FMN1: variants seen among roughly 807,000 people sequenced by gnomAD.
FMN1 encodes the protein formin 1.
A neutral mutation model predicts 132.4 loss-of-function variants in FMN1; 110 were observed. The ratio of observed to expected loss-of-function variants is 0.83; its 90% CI spans 0.71 to 0.97. FMN1 has a LOEUF of 0.97. Ranked by LOEUF, FMN1 falls within the 50% of genes least tolerant of loss-of-function variation. FMN1 has a pLI of 0.00. For missense variants in FMN1, 1,792 were observed against 1,705.3 expected (o/e 1.05, Z -0.90); for synonymous variants, 722 against 651.7 (o/e 1.11, Z -1.64).
chr15:32,970,121 T>A (rs917500182), intron 7 of FMN1, among the ~76,000 whole-genome samples: 1 of 152,214 alleles, frequency 6.6e-6, no homozygotes, highest in African/African-American at 2.4e-5. Flanking sequence ...GCCATTTTCT[T>A]CTATTTACAC....
chr15:33,126,138 CTAAA>C (rs369620820), intron 4 of FMN1, among the ~76,000 whole-genome samples: 111 of 152,012 alleles, frequency 7.3e-4, no homozygotes, highest in East Asian at 1.7e-3. Flanking sequence ...CAGCTGCTGA[CTAAA>C]TGAGTTTATC....
chr15:32,908,625 G>T (rs1355863543), intron 11 of FMN1, 47 bp from the exon 12 acceptor site: 1 of 982,522 alleles, frequency 1.0e-6, no homozygotes. Context: ...AAAAAAAAAG[G>T]GAAGTGAGAC....
At chr15:33,012,967 A>C in intron 6 of FMN1, 1 of 463,794 alleles carries the variant, frequency 2.2e-6, no homozygotes, top group South Asian at 1.7e-5. Context: ...TGGAGGCAAA[A>C]GCTCTGGTTC....
At chr15:32,994,169 TC>T (rs2033619876) in intron 7 of FMN1, among the ~76,000 whole-genome samples, 1 of 151,936 alleles carries the variant, frequency 6.6e-6, no homozygotes, top group Non-Finnish European at 1.5e-5. Context: ...GTTGAATATA[TC>T]CGAGTATGTT....
chr15:32,950,618 T>G (rs753906648), intron 9 of FMN1, among the ~76,000 whole-genome samples: 1 of 152,092 alleles, frequency 6.6e-6, no homozygotes, highest in African/African-American at 2.4e-5. Context: ...TTTTTTCACT[T>G]GTAAGTGGGA....
At chr15:32,913,820 A>G (rs28591666) in intron 10 of FMN1, among the ~76,000 whole-genome samples, 3,797 of 152,272 alleles carry the variant, frequency 0.025, 68 homozygotes, top group Non-Finnish European at 0.034. Context: ...TGTAGCATGT[A>G]TAACATAGAT....
intron 9 of FMN1, among the ~76,000 whole-genome samples, chr15:32,963,450 C>T (rs2030828712): frequency 6.6e-6 from 1 of 151,490 alleles, no homozygotes; most frequent in African/African-American, 2.4e-5. Context: ...ACATATGTAA[C>T]TAACCTGCAC....
At chr15:33,061,514 A>T (rs1476540077) in intron 6 of FMN1, among the ~76,000 whole-genome samples, 2 of 152,024 alleles carry the variant, frequency 1.3e-5, no homozygotes, top group African/African-American at 2.4e-5. Flanking sequence ...TTTATAAGAC[A>T]CGCTCCTCGT....
chr15:32,844,677 G>A (rs2058818514), intron 17 of FMN1, among the ~76,000 whole-genome samples: 1 of 152,180 alleles, frequency 6.6e-6, no homozygotes, highest in Non-Finnish European at 1.5e-5. Flanking sequence ...TGAAAAAGAT[G>A]CACATAACTT....
chr15:33,119,338 C>T (rs1595513917), intron 4 of FMN1, among the ~76,000 whole-genome samples: 1 of 152,296 alleles, frequency 6.6e-6, no homozygotes, highest in South Asian at 2.1e-4. Context: ...ACAGTGGTAG[C>T]AGGCACCCAT....
chr15:32,846,313 A>T (rs1053719120), intron 17 of FMN1, among the ~76,000 whole-genome samples: 5 of 152,194 alleles, frequency 3.3e-5, no homozygotes, highest in Non-Finnish European at 7.3e-5. Context: ...AATGGGAGAA[A>T]ATTTTTGCAA....
At chr15:33,034,888 T>A (rs1215477035) in intron 6 of FMN1, among the ~76,000 whole-genome samples, 1 of 152,180 alleles carries the variant, frequency 6.6e-6, no homozygotes, top group Non-Finnish European at 1.5e-5. Flanking sequence ...ATCATGCCTC[T>A]GCTCAACATT....
chr15:32,918,282 C>A (rs2140309293), intron 10 of FMN1, among the ~76,000 whole-genome samples: 1 of 151,946 alleles, frequency 6.6e-6, no homozygotes, highest in South Asian at 2.1e-4. Context: ...CGAAGAAACA[C>A]AAACAAAAGT....
intron 6 of FMN1, among the ~76,000 whole-genome samples, chr15:33,044,461 T>G (rs1450483280): frequency 2.7e-5 from 4 of 150,862 alleles, no homozygotes; most frequent in African/African-American, 9.9e-5. Context: ...GCCCATAAAA[T>G]CCCAGACTCA....
intron 6 of FMN1, among the ~76,000 whole-genome samples, chr15:33,026,712 A>G (rs533510124): frequency 6.6e-6 from 1 of 152,276 alleles, no homozygotes; most frequent in East Asian, 1.9e-4. Context: ...AATGAACCTC[A>G]GGAGAGAGAG....
In FMN1 at chr15:33,066,697, C is replaced by A. The variant is rs766244531; in HGVS notation, c.2044-1623G>T. On this transcript the variant is annotated intron_variant, in intron 5 of 20. Coordinates refer to ENST00000616417, the MANE Select transcript of FMN1 (RefSeq NM_001277313.2). ...AAGCCTCCAGGGCTGTCTCTGGCGACTTTGGCTTGACCTCACCACCCTGGG... is the reference window on the plus strand; with the variant it reads ...AAGCCTCCAGGGCTGTCTCTGGCGAATTTGGCTTGACCTCACCACCCTGGG... The A allele has an allele frequency of 1.6e-4, 266 of 1,613,730 alleles. 1 individual carries two copies. The highest frequency in any genetic ancestry group is 1.4e-3 in the South Asian group (126 of 91,054).
At chr15:32,939,195 G>A (rs905147032) in intron 9 of FMN1, among the ~76,000 whole-genome samples, 5 of 152,188 alleles carry the variant, frequency 3.3e-5, no homozygotes, top group African/African-American at 1.2e-4. Flanking sequence ...CAAGAGTCCT[G>A]TAAAGTATGT....
intron 7 of FMN1, among the ~76,000 whole-genome samples, chr15:32,989,367 T>TA (rs1232544865): frequency 6.6e-6 from 1 of 152,066 alleles, no homozygotes; most frequent in African/African-American, 2.4e-5. Flanking sequence ...CTTAGGGAAT[T>TA]AGAGATGGTT....
chr15:32,852,421 T>C (rs1199747616), intron 17 of FMN1, among the ~76,000 whole-genome samples: 2 of 152,210 alleles, frequency 1.3e-5, no homozygotes, highest in African/African-American at 4.8e-5. Context: ...TCTTGCTCTG[T>C]TGCTAAGGCT....
Sources: gnomAD v4.1 joint callset for allele counts (sites outside exome capture counted in the v4.1 genomes callset) on GRCh38, gnomAD v4.1.1 for gene constraint, MANE v1.5 for transcripts, NCBI Gene and HGNC (gene_info 2026-07-23, HGNC 2026-07-21) for gene names.